The following DMRT1 variants were observed in gnomAD, a reference collection of about 807,000 sequenced individuals.
The protein encoded by DMRT1 is doublesex and mab-3 related transcription factor 1.
In DMRT1, 7 loss-of-function variants were observed where a neutral mutation model predicts 32.3. The observed-to-expected ratio is 0.22, with a 90% CI of 0.12 to 0.41. The LOEUF is 0.41. DMRT1 is among the 10% of genes least tolerant of loss of function. The pLI is 1.00. For missense variants in DMRT1, 625 were observed against 500.5 expected (o/e 1.25, Z -2.37); for synonymous variants, 278 against 206.1 (o/e 1.35, Z -2.99).
chr9:865,478 A>G (rs577182726), intron 2 of DMRT1, among the ~76,000 whole-genome samples: 1 of 152,270 alleles, frequency 6.6e-6, no homozygotes, highest in African/African-American at 2.4e-5. Flanking sequence ...TATGAAATAT[A>G]AGGTATTTAT....
chr9:844,676 C>G (rs932942056), intron 1 of DMRT1, among the ~76,000 whole-genome samples: 2 of 150,856 alleles, frequency 1.3e-5, no homozygotes, highest in South Asian at 2.1e-4. Context: ...TGTGGTTTTC[C>G]TAAAACAACA....
intron 4 of DMRT1, among the ~76,000 whole-genome samples, chr9:961,309 C>CCCAG (rs760457004): frequency 1.1e-4 from 17 of 152,254 alleles, no homozygotes; most frequent in Non-Finnish European, 2.1e-4. Context: ...GCTCCAGGAA[C>CCCAG]CCAGTAATTG....
chr9:962,880 G>A (rs1198802645), intron 4 of DMRT1, among the ~76,000 whole-genome samples: 1 of 152,116 alleles, frequency 6.6e-6, no homozygotes, highest in Non-Finnish European at 1.5e-5. Flanking sequence ...ACCAGACTGT[G>A]AGCCCAGATT....
intron 1 of DMRT1, among the ~76,000 whole-genome samples, chr9:843,703 T>C (rs1024022204): frequency 3.3e-5 from 5 of 152,202 alleles, no homozygotes; most frequent in African/African-American, 9.6e-5. Flanking sequence ...AATGAAAAGA[T>C]AACGAAGAAA....
At chr9:862,056 G>A (rs1164827431) in intron 2 of DMRT1, among the ~76,000 whole-genome samples, 2 of 151,456 alleles carry the variant, frequency 1.3e-5, no homozygotes, top group East Asian at 2.0e-4. Flanking sequence ...CATCCCAGAC[G>A]ATGGGCGGCC....
At chr9:861,691 C>T (rs1434053084) in intron 2 of DMRT1, among the ~76,000 whole-genome samples, 3 of 147,692 alleles carry the variant, frequency 2.0e-5, no homozygotes, top group African/African-American at 7.7e-5. Context: ...GGCAGAGGGG[C>T]CCCCCACCTC....
chr9:953,392 T>G (rs569245938), intron 4 of DMRT1, among the ~76,000 whole-genome samples: 1 of 152,316 alleles, frequency 6.6e-6, no homozygotes, highest in Non-Finnish European at 1.5e-5. Flanking sequence ...AAGGGTAGAT[T>G]CGAGCTGCCT....
chr9:880,147 G>C (rs1816673829), intron 2 of DMRT1, among the ~76,000 whole-genome samples: 1 of 152,178 alleles, frequency 6.6e-6, no homozygotes, highest in Admixed American at 6.5e-5. Context: ...TTTGTCATCA[G>C]TCACTCTTCC....
At chr9:893,734 G>A (rs1353348879) in intron 2 of DMRT1, among the ~76,000 whole-genome samples, 178 bp from the exon 3 acceptor site, 3 of 152,248 alleles carry the variant, frequency 2.0e-5, no homozygotes, top group African/African-American at 4.8e-5. Flanking sequence ...TGCCACCAGA[G>A]TGAAGCGAAC....
chr9:858,735 A>G (rs13295058), intron 2 of DMRT1, among the ~76,000 whole-genome samples: 94,786 of 151,200 alleles, frequency 0.63, 29,981 homozygotes, highest in South Asian at 0.7. Context: ...TTAGTTAGAC[A>G]TGGTGGTGGG....
rs57418212 is a variant in DMRT1 at position 864,499 on chromosome 9, C to CT, written c.538+17373dup. On this transcript the variant is annotated intron_variant, in intron 2 of 4. Transcript: ENST00000382276. The stretch of plus-strand genomic sequence containing the variant: ...TGAGCCACCATGCCCAGCCAGTACT[C>CT]TTTTTTTTTTTTTTTTTGAGACGGA... Among the ~76,000 whole-genome samples the CT allele has an allele frequency of 8.1e-3, 887 of 108,880 alleles. 47 individuals carry two copies. The highest frequency in any genetic ancestry group is 0.024 in the African/African-American group (655 of 26,834). 71.4% of individuals were successfully genotyped at this position (108,880 alleles called of 152,430 possible). A position where few individuals can be genotyped will look rare whatever the true frequency, so the allele number is the denominator to read the frequency against.
intron 2 of DMRT1, among the ~76,000 whole-genome samples, chr9:857,610 T>C (rs1002371180): frequency 6.6e-6 from 1 of 152,178 alleles, no homozygotes; most frequent in African/African-American, 2.4e-5. Flanking sequence ...GGAATAGTTT[T>C]AATCTGTGAG....
chr9:892,002 C>G (rs557520225), intron 2 of DMRT1, among the ~76,000 whole-genome samples: 2 of 152,248 alleles, frequency 1.3e-5, no homozygotes, highest in African/African-American at 4.8e-5. Context: ...CCTGGTAGTC[C>G]TGGTAGGAGA....
intron 4 of DMRT1, among the ~76,000 whole-genome samples, chr9:949,327 C>A (rs987841781): frequency 1.3e-5 from 2 of 151,608 alleles, no homozygotes; most frequent in African/African-American, 4.9e-5. Context: ...TGTGACAGCC[C>A]CATTGCACTG....
At chr9:850,522 A>G (rs1361106470) in intron 2 of DMRT1, among the ~76,000 whole-genome samples, 1 of 152,236 alleles carries the variant, frequency 6.6e-6, no homozygotes, top group East Asian at 1.9e-4. Flanking sequence ...ATGAAAGATC[A>G]TTGTTCTTCT....
chr9:947,679 A>G lies in DMRT1; in HGVS notation c.968-20306A>G, dbSNP rs113048948. On this transcript the variant is annotated intron_variant, in intron 4 of 4. Coordinates refer to ENST00000382276, the MANE Select transcript of DMRT1 (RefSeq NM_021951.3). ...GACTCTGTTGCTCAGGCTGGAATGC[A>G]GTGGCGCGATCTCGGCTCACTGCAG... 1.4e-3 allele frequency among the ~76,000 whole-genome samples: 220 copies of G among 152,246 alleles called. 1 individual carries two copies. The highest frequency in any genetic ancestry group is 5.1e-3 in the African/African-American group (213 of 41,534).
At chr9:902,971 A>G (rs940333784) in intron 3 of DMRT1, among the ~76,000 whole-genome samples, 6 of 152,198 alleles carry the variant, frequency 3.9e-5, no homozygotes, top group Non-Finnish European at 7.3e-5. Context: ...ATGCAACTCC[A>G]AAGTCATGAT....
At chr9:867,747 G>A (rs772150839) in intron 2 of DMRT1, among the ~76,000 whole-genome samples, 46 of 152,180 alleles carry the variant, frequency 3.0e-4, no homozygotes, top group Non-Finnish European at 6.0e-4. Context: ...CTGGGACCCA[G>A]TAGGTGGCCA....
chr9:868,644 C>A (rs868282739), intron 2 of DMRT1, among the ~76,000 whole-genome samples: 1 of 152,098 alleles, frequency 6.6e-6, no homozygotes, highest in South Asian at 2.1e-4. Flanking sequence ...TCGTAGGTAG[C>A]GTTTGAAAGA....
Sources: allele counts gnomAD v4.1 joint callset (sites outside exome capture counted in the v4.1 genomes callset), GRCh38; gene constraint gnomAD v4.1.1; transcripts MANE v1.5; gene names NCBI Gene and HGNC (gene_info 2026-07-23, HGNC 2026-07-21).